VPS8: variants seen among roughly 807,000 people sequenced by gnomAD.
The protein encoded by VPS8 is VPS8 subunit of CORVET complex.
In VPS8, 129 loss-of-function variants were observed where a neutral mutation model predicts 216.4. The ratio of observed to expected loss-of-function variants is 0.60; its 90% CI spans 0.52 to 0.69. VPS8 has a LOEUF of 0.69. Among genes scored for constraint, VPS8 ranks in the 30% least tolerant of loss-of-function variants. The probability of loss-of-function intolerance (pLI) is 0.00; values close to 1 mark genes in which losing one functional copy is unlikely to be tolerated. For missense variants in VPS8, 1,531 were observed against 1,683.5 expected (o/e 0.91, Z 1.59); for synonymous variants, 571 against 565.4 (o/e 1.01, Z -0.14).
intron 21 of VPS8, among the ~76,000 whole-genome samples, chr3:184,876,512 C>G (rs1243196201): frequency 6.6e-6 from 1 of 152,146 alleles, no homozygotes; most frequent in Non-Finnish European, 1.5e-5. Context: ...GGCTATCTAA[C>G]CAGTGTTAAC....
chr3:184,956,627 G>A (rs1365926332), intron 36 of VPS8, among the ~76,000 whole-genome samples: 1 of 152,194 alleles, frequency 6.6e-6, no homozygotes, highest in Non-Finnish European at 1.5e-5. Flanking sequence ...CCAATGAACA[G>A]TTGATTTCCT....
chr3:184,861,275 A>G (rs1726324513), intron 15 of VPS8, among the ~76,000 whole-genome samples: 1 of 152,230 alleles, frequency 6.6e-6, no homozygotes, highest in Non-Finnish European at 1.5e-5. Context: ...GTCCAGTAAC[A>G]TTCTGTAGAT....
rs768629548 is a variant in VPS8 at position 185,048,526 on chromosome 3, T to C, written c.4104T>C (p.Asp1368=). ...ATCCACAGCAAATCCAAGCATTTGA[T>C]CAGCTTTGCCGTCTCTACCGAGGAA... The part of the protein sequence containing the change: ...VLDPQQIQAF[D]QLCRLYRGSS... Residue 1368 remains aspartate, a synonymous_variant, in exon 47 of 48, where the codon GAT becomes GAC. Coordinates refer to ENST00000625842, the MANE Select transcript of VPS8 (RefSeq NM_001009921.3). The C allele has an allele frequency of 1.2e-6, 2 of 1,614,036 alleles. No homozygotes were observed. The highest frequency in any genetic ancestry group is 3.3e-5 in the Admixed American group (2 of 60,028).
At chr3:184,907,261 G>A (rs970695603) in intron 25 of VPS8, among the ~76,000 whole-genome samples, 4 of 152,164 alleles carry the variant, frequency 2.6e-5, no homozygotes, top group Non-Finnish European at 5.9e-5. Context: ...ACACAATTTA[G>A]TCTGGCTCAG....
At chr3:184,944,310 T>A (rs1743290963) in intron 36 of VPS8, among the ~76,000 whole-genome samples, 1 of 152,194 alleles carries the variant, frequency 6.6e-6, no homozygotes, top group Non-Finnish European at 1.5e-5. Flanking sequence ...GGATTAATCC[T>A]CCAGAAGGAA....
At chr3:184,971,586 C>T (rs1055070904) in intron 39 of VPS8, 63 bp from the exon 40 acceptor site, 15 of 1,301,484 alleles carry the variant, frequency 1.2e-5, no homozygotes, top group Admixed American at 4.9e-5. Flanking sequence ...TAACTTTTCA[C>T]AGAGGCTCTG....
At chr3:185,041,833 C>G (rs1231096317) in intron 46 of VPS8, among the ~76,000 whole-genome samples, 2 of 152,162 alleles carry the variant, frequency 1.3e-5, no homozygotes, top group African/African-American at 2.4e-5. Flanking sequence ...GCCTGGACCT[C>G]TGTCTCAAAT....
chr3:185,044,088 G>A (rs758247068), intron 46 of VPS8, among the ~76,000 whole-genome samples: 1 of 152,206 alleles, frequency 6.6e-6, no homozygotes, highest in Non-Finnish European at 1.5e-5. Flanking sequence ...TACTTGGGAG[G>A]CTGAGACAGG....
intron 21 of VPS8, among the ~76,000 whole-genome samples, chr3:184,874,070 G>GTT (rs747635562): frequency 7.0e-6 from 1 of 142,870 alleles, no homozygotes. Context: ...CTTTTAAAGT[G>GTT]TTTTTTTTTT....
chr3:184,910,419 C>T (rs1437528452), intron 25 of VPS8, among the ~76,000 whole-genome samples: 2 of 152,182 alleles, frequency 1.3e-5, no homozygotes, highest in African/African-American at 4.8e-5. Flanking sequence ...TGGTAATTTA[C>T]TTGTACAGCT....
In VPS8 at chr3:184,860,825, G is replaced by GTT. The variant is rs35831025; in HGVS notation, c.1224+773_1224+774dup. ...CATCTCAATCCTGAGTGACTTCTTG[G>GTT]TTTTTTTTTTTTTTGAGATGGAGTC... On this transcript the variant is annotated intron_variant, in intron 15 of 47. Transcript: ENST00000625842. 5.1e-4 allele frequency among the ~76,000 whole-genome samples: 73 copies of GTT among 142,088 alleles called. 1 individual carries two copies. Among genetic ancestry groups the GTT allele is most frequent in the Admixed American group, 1.7e-3 (25 of 14,304 alleles). 93.2% of individuals were successfully genotyped at this position (142,088 alleles called of 152,430 possible).
intron 21 of VPS8, among the ~76,000 whole-genome samples, chr3:184,872,551 C>CA (rs1728536331): frequency 6.6e-6 from 1 of 151,984 alleles, no homozygotes; most frequent in Admixed American, 6.6e-5. Flanking sequence ...TTAGAAGTCT[C>CA]ATTCTGTTGG....
intron 36 of VPS8, among the ~76,000 whole-genome samples, chr3:184,946,956 G>T (rs187256423): frequency 6.6e-6 from 1 of 152,068 alleles, no homozygotes; most frequent in African/African-American, 2.4e-5. Flanking sequence ...TGTGAGACAG[G>T]CCTCAGTTCA....
intron 45 of VPS8, among the ~76,000 whole-genome samples, chr3:185,009,326 A>G (rs551670743): frequency 4.9e-4 from 36 of 74,040 alleles, no homozygotes; most frequent in Non-Finnish European, 1.3e-3. Flanking sequence ...TGCAAGCTAA[A>G]TCAACTATAC....
intron 29 of VPS8, among the ~76,000 whole-genome samples, chr3:184,920,483 TA>T (rs1560684478): frequency 2.6e-5 from 4 of 152,226 alleles, no homozygotes; most frequent in Admixed American, 2.6e-4. Context: ...CGTGTAATAA[TA>T]GAGACTAACT....
At chr3:184,976,967 G>C (rs1457222689) in intron 40 of VPS8, among the ~76,000 whole-genome samples, 1 of 152,088 alleles carries the variant, frequency 6.6e-6, no homozygotes, top group Non-Finnish European at 1.5e-5. Context: ...TTTCCTTTGG[G>C]TATATTCCAA....
intron 47 of VPS8, among the ~76,000 whole-genome samples, chr3:185,051,572 A>G (rs73885656): frequency 0.024 from 3,692 of 152,260 alleles, 130 homozygotes; most frequent in African/African-American, 0.084. Flanking sequence ...AGGAGCCCTC[A>G]GCACAGGGCC....
chr3:184,950,500 G>T (rs193038142), intron 36 of VPS8, among the ~76,000 whole-genome samples: 56 of 151,980 alleles, frequency 3.7e-4, no homozygotes, highest in Non-Finnish European at 4.4e-5. Context: ...GAGTGAGGGG[G>T]TGGGACTAGA....
rs1240314290 is a variant in VPS8, at chr3:184,936,353, A to G, written c.2988+18A>G. ...AACTTCAGGTACATATTGCAAATAT[A>G]TATTGGGGAAAAATATCTAGTGGAA... On this transcript the variant is annotated intron_variant, in intron 35 of 47. Coordinates refer to ENST00000625842, the MANE Select transcript of VPS8 (RefSeq NM_001009921.3). 1 of 1,580,730 alleles carries G rather than the reference A, an allele frequency of 6.3e-7. No individual in the cohort carries two copies. The highest frequency in any genetic ancestry group is 2.3e-5 in the East Asian group (1 of 44,260).
Sources: allele counts gnomAD v4.1 joint callset (sites outside exome capture counted in the v4.1 genomes callset), GRCh38; gene constraint gnomAD v4.1.1; transcripts MANE v1.5; gene names NCBI Gene and HGNC (gene_info 2026-07-23, HGNC 2026-07-21).